Variants in MBD5 observed in about 807,000 individuals in gnomAD.
The protein encoded by MBD5 is methyl-CpG-binding domain protein 5.
Under a neutral mutation model 117.3 loss-of-function variants are expected in MBD5, and 13 were observed. The ratio of observed to expected loss-of-function variants is 0.11; its 90% confidence interval spans 0.07 to 0.18. The LOEUF (loss-of-function observed/expected upper bound fraction) is 0.18, where lower values mean the gene tolerates loss of function less well. Among genes scored for constraint, MBD5 ranks in the 10% least tolerant of loss-of-function variants. The probability of loss-of-function intolerance (pLI) is 1.00; values close to 1 mark genes in which losing one functional copy is unlikely to be tolerated. For missense variants in MBD5, 1,879 were observed against 2,093.8 expected, an observed-to-expected ratio of 0.90 and a Z score of 2.00; for synonymous variants, 727 against 766.4, an observed-to-expected ratio of 0.95 and a Z score of 0.85.
intron 1 of MBD5, among the ~76,000 whole-genome samples, chr2:148,037,577 A>T (rs1023183530): frequency 3.9e-5 from 6 of 151,988 alleles, no homozygotes; most frequent in African/African-American, 1.4e-4. Context: ...CTGCTAAGAG[A>T]CATCAAATCC....
chr2:148,033,186 G>A (rs1173529262), intron 1 of MBD5, among the ~76,000 whole-genome samples: 1 of 152,174 alleles, frequency 6.6e-6, no homozygotes. Context: ...ACATATTCGT[G>A]TCAGTTGTTA....
chr2:148,382,505 G>T (rs1704184282), intron 4 of MBD5, among the ~76,000 whole-genome samples: 1 of 152,008 alleles, frequency 6.6e-6, no homozygotes, highest in South Asian at 2.1e-4. Flanking sequence ...CAATAATAAT[G>T]GGAGACTTTA....
At chr2:148,467,683 T>C (rs1157707927) in intron 7 of MBD5, among the ~76,000 whole-genome samples, 1 of 152,174 alleles carries the variant, frequency 6.6e-6, no homozygotes, top group Non-Finnish European at 1.5e-5. Context: ...GCAATATCAC[T>C]GCATTTATTC....
At position 148,468,912 on chromosome 2, in the gene MBD5, A is replaced by G; in HGVS notation, c.969A>G (p.Ile323Met). ...PMCNFSTNME[I>M]PRAMFHHKPP... ...GTAATTTTTCAACTAATATGGAAAT[A>G]CCACGAGCAATGTTCCACCACAAAC... The change falls in exon 8 of 14, where the codon ATA becomes ATG. Residue 323 changes from isoleucine (I) to methionine (M), a missense_variant. Physicochemically the swap from Ile to Met is conservative, Grantham distance 10. This residue lies in a region of MBD5 where 1,666 missense variants were observed against 1,792.2 expected (regional missense o/e 0.93). Coordinates refer to ENST00000642680, the MANE Select transcript of MBD5 (RefSeq NM_001378120.1). The G allele has an allele frequency of 6.2e-7, 1 of 1,613,890 alleles. No homozygotes were observed. The highest frequency in any genetic ancestry group is 8.5e-7 in the Non-Finnish European group (1 of 1,179,922).
chr2:148,363,097 A>G (rs998124164), intron 4 of MBD5, among the ~76,000 whole-genome samples: 1 of 151,908 alleles, frequency 6.6e-6, no homozygotes, highest in African/African-American at 2.4e-5. Context: ...AGTGATCACA[A>G]CTCCTTGCCA....
chr2:148,246,864 A>G (rs1292042745), intron 3 of MBD5, among the ~76,000 whole-genome samples: 2 of 151,956 alleles, frequency 1.3e-5, no homozygotes, highest in Non-Finnish European at 1.5e-5. Context: ...AATATGAGAC[A>G]TTATAGAAAG....
At chr2:148,146,941 T>C (rs1264641948) in intron 1 of MBD5, among the ~76,000 whole-genome samples, 2 of 152,196 alleles carry the variant, frequency 1.3e-5, no homozygotes, top group African/African-American at 2.4e-5. Context: ...ATTACCTTTT[T>C]CAACTCCAGG....
chr2:148,461,490 A>G (rs1286401703), intron 5 of MBD5, among the ~76,000 whole-genome samples: 1 of 152,222 alleles, frequency 6.6e-6, no homozygotes, highest in Non-Finnish European at 1.5e-5. Context: ...AAAAAATACT[A>G]CTTGTGTTTT....
chr2:148,141,315 C>G (rs1049549920), intron 1 of MBD5, among the ~76,000 whole-genome samples: 1 of 152,156 alleles, frequency 6.6e-6, no homozygotes, highest in Non-Finnish European at 1.5e-5. Context: ...ATTGGAGACA[C>G]TCCTACAAAT....
intron 8 of MBD5, among the ~76,000 whole-genome samples, chr2:148,480,474 A>G (rs917576859): frequency 2.0e-5 from 3 of 152,258 alleles, no homozygotes; most frequent in African/African-American, 7.2e-5. Flanking sequence ...ACATCTAAAT[A>G]TGTCATTATT....
intron 2 of MBD5, among the ~76,000 whole-genome samples, chr2:148,200,263 G>A (rs907012533): frequency 6.6e-6 from 1 of 150,844 alleles, no homozygotes; most frequent in Non-Finnish European, 1.5e-5. Flanking sequence ...TAGAAACTAC[G>A]CAACACCGAG....
At chr2:148,209,284 A>G (rs1490861832) in intron 2 of MBD5, among the ~76,000 whole-genome samples, 2 of 152,108 alleles carry the variant, frequency 1.3e-5, no homozygotes, top group Non-Finnish European at 2.9e-5. Context: ...CTCATTCCCA[A>G]TGCAATAATG....
chr2:148,353,094 G>T (rs1025003000), intron 4 of MBD5, among the ~76,000 whole-genome samples: 12 of 152,080 alleles, frequency 7.9e-5, no homozygotes, highest in Non-Finnish European at 1.2e-4. Context: ...AAGAGCTATA[G>T]TTTCCAATAA....
chr2:148,122,483 G>A (rs1019848184), intron 1 of MBD5, among the ~76,000 whole-genome samples: 12 of 152,118 alleles, frequency 7.9e-5, no homozygotes, highest in African/African-American at 9.7e-5. Flanking sequence ...CTCTACTTAC[G>A]AAGGCAGGGA....
intron 1 of MBD5, among the ~76,000 whole-genome samples, chr2:148,088,297 T>C (rs1406960532): frequency 6.6e-6 from 1 of 152,164 alleles, no homozygotes; most frequent in Non-Finnish European, 1.5e-5. Context: ...GAGGGATTAA[T>C]TGAGGAAAAC....
intron 3 of MBD5, among the ~76,000 whole-genome samples, chr2:148,319,795 A>G (rs1702241055): frequency 6.6e-6 from 1 of 152,206 alleles, no homozygotes; most frequent in Non-Finnish European, 1.5e-5. Flanking sequence ...ACTGTGTGGA[A>G]TAAGAATGGT....
chr2:148,161,789 G>C (rs1267287752), intron 1 of MBD5, among the ~76,000 whole-genome samples: 2 of 152,052 alleles, frequency 1.3e-5, no homozygotes, highest in Admixed American at 1.3e-4. Context: ...CCTGATACCA[G>C]GCTCTTATTT....
intron 1 of MBD5, among the ~76,000 whole-genome samples, chr2:148,127,919 C>G (rs992793653): frequency 6.6e-5 from 10 of 152,112 alleles, no homozygotes; most frequent in African/African-American, 2.4e-4. Flanking sequence ...TTTTAATAAT[C>G]ACCATTTTGA....
At chr2:148,252,061 A>G (rs1700478075) in intron 3 of MBD5, among the ~76,000 whole-genome samples, 1 of 152,132 alleles carries the variant, frequency 6.6e-6, no homozygotes, top group Non-Finnish European at 1.5e-5. Context: ...CAGTGATTGG[A>G]GAGAGAGAGC....
Sources: allele counts gnomAD v4.1 joint callset (sites outside exome capture counted in the v4.1 genomes callset), GRCh38; gene constraint gnomAD v4.1.1; regional missense constraint gnomAD v4.1.1; transcripts MANE v1.5; gene names NCBI Gene and HGNC (gene_info 2026-07-23, HGNC 2026-07-21).